The following SRGAP1 variants were observed in gnomAD, a reference collection of about 807,000 sequenced individuals.
The protein encoded by SRGAP1 is SLIT-ROBO Rho GTPase activating protein 1, also known as SLIT-ROBO Rho GTPase-activating protein 1.
SRGAP1 carries 43 observed loss-of-function variants against 121.9 expected under a neutral mutation model. The ratio of observed to expected loss-of-function variants is 0.35; its 90% confidence interval spans 0.28 to 0.46. The LOEUF is 0.46. Ranked by LOEUF, SRGAP1 falls within the 20% of genes least tolerant of loss-of-function variation. The probability of loss-of-function intolerance (pLI) is 1.00; values close to 1 mark genes in which losing one functional copy is unlikely to be tolerated. For missense variants in SRGAP1, 1,102 were observed against 1,350.9 expected (o/e 0.82, Z 2.89); for synonymous variants, 447 against 485.4 (o/e 0.92, Z 1.04).
intron 11 of SRGAP1, among the ~76,000 whole-genome samples, chr12:64,089,939 C>A (rs2036017600): frequency 6.6e-6 from 1 of 152,130 alleles, no homozygotes; most frequent in Non-Finnish European, 1.5e-5. Context: ...GTATATGAAC[C>A]AGACTTTCTG....
At chr12:63,858,168 T>C (rs998665657) in intron 1 of SRGAP1, among the ~76,000 whole-genome samples, 4 of 135,950 alleles carry the variant, frequency 2.9e-5, no homozygotes, top group Non-Finnish European at 6.2e-5. Flanking sequence ...GCTATCTTCG[T>C]TGTATTTTGT....
At chr12:63,996,408 G>A (rs1427853269) in intron 3 of SRGAP1, among the ~76,000 whole-genome samples, 1 of 151,862 alleles carries the variant, frequency 6.6e-6, no homozygotes, top group Admixed American at 6.6e-5. Context: ...TTAGTTTTCT[G>A]TTGTTAGACA....
intron 8 of SRGAP1, among the ~76,000 whole-genome samples, chr12:64,076,771 C>T (rs923253617): frequency 5.9e-5 from 9 of 151,952 alleles, no homozygotes; most frequent in African/African-American, 2.2e-4. Context: ...CTCAGCTTCC[C>T]GAGTAGCTGG....
intron 16 of SRGAP1, among the ~76,000 whole-genome samples, chr12:64,111,080 T>A (rs2036423632): frequency 6.6e-6 from 1 of 152,152 alleles, no homozygotes. Context: ...ATTTCACAAA[T>A]ACCCATTGAG....
chr12:64,087,462 CA>C (rs2035968529), intron 11 of SRGAP1, among the ~76,000 whole-genome samples: 1 of 152,176 alleles, frequency 6.6e-6, no homozygotes, highest in Non-Finnish European at 1.5e-5. Flanking sequence ...TGGCCGGGTG[CA>C]GTGGCTCAGC....
intron 1 of SRGAP1, among the ~76,000 whole-genome samples, chr12:63,913,455 A>ATATATATATG: frequency 1.4e-5 from 1 of 73,394 alleles, no homozygotes; most frequent in South Asian, 4.3e-4. Context: ...CTGTGTCCAC[A>ATATATATATG]TATATATATA....
chr12:63,918,866 G>T (rs2030911596), intron 1 of SRGAP1, among the ~76,000 whole-genome samples: 1 of 152,208 alleles, frequency 6.6e-6, no homozygotes, highest in Non-Finnish European at 1.5e-5. Flanking sequence ...CAGTTAGGGA[G>T]TTTGCATTCT....
At chr12:63,853,764 G>A (rs1257253151) in intron 1 of SRGAP1, among the ~76,000 whole-genome samples, 1 of 152,212 alleles carries the variant, frequency 6.6e-6, no homozygotes, top group Non-Finnish European at 1.5e-5. Context: ...TTGGGCCACA[G>A]TATACCTGGC....
intron 4 of SRGAP1, among the ~76,000 whole-genome samples, chr12:64,024,463 A>AAAAAGT (rs1327150045): frequency 6.6e-6 from 1 of 152,190 alleles, no homozygotes; most frequent in Non-Finnish European, 1.5e-5. Flanking sequence ...AAAGAAAAAG[A>AAAAAGT]AAAACAATTA....
rs573375712 is a variant in SRGAP1, at chr12:63,969,568, C to T, written c.68-14379C>T. On this transcript the variant is annotated intron_variant, in intron 1 of 21. Coordinates refer to ENST00000355086, the MANE Select transcript of SRGAP1 (RefSeq NM_020762.4). ...CAGCACTTTGGGAGGCCAAGGCAGG[C>T]GGATCACGAGGTCAGGAGATTGAGA... 4.9e-4 allele frequency among the ~76,000 whole-genome samples: 74 copies of T among 152,100 alleles called. 1 individual carries two copies. Among genetic ancestry groups the T allele is most frequent in the South Asian group, 1.2e-3 (6 of 4,812 alleles).
At chr12:63,893,138 C>T (rs931741968) in intron 1 of SRGAP1, among the ~76,000 whole-genome samples, 1 of 152,160 alleles carries the variant, frequency 6.6e-6, no homozygotes, top group African/African-American at 2.4e-5. Flanking sequence ...CTGTTTTTCC[C>T]AGCCCACTCC....
intron 8 of SRGAP1, among the ~76,000 whole-genome samples, chr12:64,077,191 CCTT>C (rs1296817364): frequency 6.6e-6 from 1 of 152,048 alleles, no homozygotes; most frequent in Non-Finnish European, 1.5e-5. Context: ...CTGATGGTAA[CCTT>C]CTCACTCAAC....
intron 1 of SRGAP1, among the ~76,000 whole-genome samples, chr12:63,943,828 A>G (rs146104757): frequency 2.6e-5 from 4 of 152,198 alleles, no homozygotes; most frequent in African/African-American, 9.7e-5. Flanking sequence ...TCAGCAGTAC[A>G]TGGCTGGAAT....
At chr12:64,064,088 TG>T (rs1284989473) in intron 7 of SRGAP1, among the ~76,000 whole-genome samples, 2 of 152,126 alleles carry the variant, frequency 1.3e-5, no homozygotes, top group African/African-American at 4.8e-5. Flanking sequence ...CAAAACCAAA[TG>T]GTTGCTGTTT....
intron 6 of SRGAP1, among the ~76,000 whole-genome samples, chr12:64,056,381 C>T (rs1410285988): frequency 1.3e-5 from 2 of 151,844 alleles, no homozygotes; most frequent in African/African-American, 2.4e-5. Flanking sequence ...AGCAAAACCC[C>T]GTCTCTAATA....
intron 3 of SRGAP1, among the ~76,000 whole-genome samples, chr12:64,003,469 G>A: frequency 8.4e-6 from 1 of 118,830 alleles, no homozygotes. Context: ...GGAAAGCCAG[G>A]AAGTTTCAGA....
intron 1 of SRGAP1, among the ~76,000 whole-genome samples, chr12:63,913,679 G>T (rs1382298162): frequency 6.6e-6 from 1 of 151,500 alleles, no homozygotes; most frequent in South Asian, 2.1e-4. Flanking sequence ...TTTTATATTA[G>T]CATCTCTAAT....
At chr12:63,846,292 T>C (rs1898899732) in intron 1 of SRGAP1, among the ~76,000 whole-genome samples, 1 of 152,190 alleles carries the variant, frequency 6.6e-6, no homozygotes, top group African/African-American at 2.4e-5. Context: ...AGACTAACCT[T>C]TCTTTTTTCA....
At chr12:63,968,988 G>C (rs1177029398) in intron 1 of SRGAP1, among the ~76,000 whole-genome samples, 1 of 152,082 alleles carries the variant, frequency 6.6e-6, no homozygotes, top group African/African-American at 2.4e-5. Context: ...GTGGGTCCCC[G>C]CCAGAAACAT....
Sources: allele counts gnomAD v4.1 joint callset (sites outside exome capture counted in the v4.1 genomes callset), GRCh38; gene constraint gnomAD v4.1.1; transcripts MANE v1.5; gene names NCBI Gene and HGNC (gene_info 2026-07-23, HGNC 2026-07-21).